Variants in RPS6KC1 observed in about 807,000 individuals in gnomAD.
RPS6KC1 encodes inactive ribosomal protein S6 kinase delta-1.
RPS6KC1 carries 54 observed loss-of-function variants against 103.8 expected under a neutral mutation model. The observed-to-expected ratio is 0.52, with a 90% CI of 0.42 to 0.65. The LOEUF is 0.65. Ranked by LOEUF, RPS6KC1 falls within the 30% of genes least tolerant of loss-of-function variation. The pLI, the probability that RPS6KC1 is intolerant of heterozygous loss-of-function variation, is 0.00. For missense variants in RPS6KC1, 1,151 were observed against 1,253.8 expected (o/e 0.92, Z 1.24); for synonymous variants, 439 against 438.7 (o/e 1.00, Z -0.01).
At chr1:213,448,612 G>A in the RPS6KC1 span, among the ~76,000 whole-genome samples, 1 of 151,978 alleles carries the variant, frequency 6.6e-6, no homozygotes, top group Non-Finnish European at 1.5e-5. Context: ...CGACATCCAC[G>A]CAAGCCAGAG....
At chr1:213,583,486 A>G in the RPS6KC1 span, among the ~76,000 whole-genome samples, 1 of 152,134 alleles carries the variant, frequency 6.6e-6, no homozygotes, top group African/African-American at 2.4e-5. Context: ...AGATTTGCAA[A>G]TCTGAGTGTA....
chr1:213,397,354 C>G, the RPS6KC1 span, among the ~76,000 whole-genome samples: 1 of 152,050 alleles, frequency 6.6e-6, no homozygotes. Flanking sequence ...CTTCAAAGGA[C>G]TCTCTTGGCA....
intron 4 of RPS6KC1, among the ~76,000 whole-genome samples, chr1:213,115,981 T>A (rs1483411518): frequency 5.9e-5 from 9 of 152,284 alleles, no homozygotes; most frequent in Non-Finnish European, 5.9e-5. Flanking sequence ...AAGTATGTGG[T>A]CAATTTTGTA....
chr1:213,239,438 C>A (rs2148926244), intron 10 of RPS6KC1, among the ~76,000 whole-genome samples: 1 of 152,218 alleles, frequency 6.6e-6, no homozygotes, highest in Non-Finnish European at 1.5e-5. Context: ...TGACAATTAG[C>A]CTTTATTGAG....
chr1:213,249,948 G>A (rs148246759), intron 12 of RPS6KC1, among the ~76,000 whole-genome samples: 1 of 152,300 alleles, frequency 6.6e-6, no homozygotes, highest in African/African-American at 2.4e-5. Context: ...TCAGAACATG[G>A]TTGCCAGGTC....
the RPS6KC1 span, among the ~76,000 whole-genome samples, chr1:213,712,092 C>T: frequency 1.3e-5 from 2 of 152,332 alleles, no homozygotes; most frequent in African/African-American, 2.4e-5. Flanking sequence ...GGAACGTTTA[C>T]GTGTACTGAA....
the RPS6KC1 span, among the ~76,000 whole-genome samples, chr1:213,342,586 AC>A: frequency 5.9e-5 from 9 of 151,998 alleles, no homozygotes; most frequent in African/African-American, 2.2e-4. Context: ...CCATCGATGT[AC>A]CCTAACTATA....
At chr1:213,562,579 A>G in the RPS6KC1 span, among the ~76,000 whole-genome samples, 3 of 151,888 alleles carry the variant, frequency 2.0e-5, no homozygotes, top group South Asian at 6.2e-4. Context: ...TTTAGTTGCC[A>G]GGATGGTCTT....
chr1:213,584,518 C>T, the RPS6KC1 span, among the ~76,000 whole-genome samples: 2 of 152,206 alleles, frequency 1.3e-5, no homozygotes, highest in Non-Finnish European at 2.9e-5. Context: ...TATGGATGCT[C>T]TGGTGCAGAG....
chr1:213,623,497 A>G, the RPS6KC1 span, among the ~76,000 whole-genome samples: 1 of 152,194 alleles, frequency 6.6e-6, no homozygotes, highest in Non-Finnish European at 1.5e-5. Context: ...ATAAGCGCTT[A>G]CAGTCTAATG....
chr1:213,862,075 A>G, the RPS6KC1 span, among the ~76,000 whole-genome samples: 2 of 152,202 alleles, frequency 1.3e-5, no homozygotes, highest in Non-Finnish European at 2.9e-5. Flanking sequence ...AGGAGCCAGC[A>G]TACCCGGGGC....
At chr1:213,549,011 G>C in the RPS6KC1 span, among the ~76,000 whole-genome samples, 1 of 152,192 alleles carries the variant, frequency 6.6e-6, no homozygotes. Flanking sequence ...GCCTGCATCT[G>C]TCTTGCTTGC....
At chr1:213,753,328 C>CTTCA in the RPS6KC1 span, among the ~76,000 whole-genome samples, 2 of 152,162 alleles carry the variant, frequency 1.3e-5, no homozygotes, top group African/African-American at 4.8e-5. Context: ...GTATAGGATA[C>CTTCA]AGTGGGCAGT....
chr1:213,366,821 G>A, the RPS6KC1 span, among the ~76,000 whole-genome samples: 2 of 152,124 alleles, frequency 1.3e-5, no homozygotes, highest in Non-Finnish European at 2.9e-5. Context: ...ATCTTCATAC[G>A]GTTTTGGTTA....
chr1:213,608,891 C>T, the RPS6KC1 span, among the ~76,000 whole-genome samples: 2 of 151,998 alleles, frequency 1.3e-5, no homozygotes, highest in African/African-American at 2.4e-5. Context: ...ATAGATGTAC[C>T]ATTCATTTGA....
In RPS6KC1 at chr1:213,264,016, CAA is replaced by C. The variant is rs60217392; in HGVS notation, c.3090+1202_3090+1203del. The stretch of plus-strand genomic sequence containing the variant: ...GTCTGAAAGACCCAAGTTTAGGAAA[CAA>C]AGTTTGATTTATCTGGAATAGAGAG... On this transcript the variant is annotated intron_variant, in intron 14 of 14. Coordinates refer to ENST00000366960, the MANE Select transcript of RPS6KC1 (RefSeq NM_012424.6). Among the ~76,000 whole-genome samples, 99 of 151,838 alleles carry C rather than the reference CAA, an allele frequency of 6.5e-4. 2 individuals are homozygous for C. In the East Asian group the frequency reaches 0.019, roughly 29 times the overall value.
chr1:213,070,046 A>G (rs1206377358), intron 1 of RPS6KC1, among the ~76,000 whole-genome samples: 1 of 152,178 alleles, frequency 6.6e-6, no homozygotes, highest in Non-Finnish European at 1.5e-5. Flanking sequence ...TTTGTCCCTG[A>G]ATGTTTGTAA....
In RPS6KC1 at chr1:213,142,592, A is replaced by G. The variant is rs546959055; in HGVS notation, c.835+12703A>G. The stretch of plus-strand genomic sequence containing the variant: ...TGTAAAGGGTCTTTGCTTGTGGCTG[A>G]TTTCTTGGCATTGGTTTCACAGGGT... On this transcript the variant is annotated intron_variant, in intron 6 of 14. Transcript: ENST00000366960. Among the ~76,000 whole-genome samples the G allele has an allele frequency of 2.6e-5, 4 of 151,802 alleles. No individual in the cohort carries two copies. In the East Asian group the frequency reaches 5.8e-4, roughly 22 times the overall value.
At chr1:213,236,505 C>G (rs2094223525) in intron 10 of RPS6KC1, among the ~76,000 whole-genome samples, 1 of 152,076 alleles carries the variant, frequency 6.6e-6, no homozygotes, top group Non-Finnish European at 1.5e-5. Flanking sequence ...CTATATCAGT[C>G]AGGATTTTAG....
Sources: allele counts gnomAD v4.1 joint callset (sites outside exome capture counted in the v4.1 genomes callset), GRCh38; gene constraint gnomAD v4.1.1; transcripts MANE v1.5; gene names NCBI Gene and HGNC (gene_info 2026-07-23, HGNC 2026-07-21).